KDM5A: variants seen among roughly 807,000 people sequenced by gnomAD.
KDM5A encodes the protein lysine demethylase 5A, also known as lysine-specific demethylase 5A.
A neutral mutation model predicts 193.5 loss-of-function variants in KDM5A; 42 were observed. The ratio of observed to expected loss-of-function variants is 0.22; its 90% CI spans 0.17 to 0.28. The LOEUF is 0.28. Ranked by LOEUF, KDM5A falls within the 10% of genes least tolerant of loss-of-function variation. KDM5A has a pLI of 1.00. For synonymous variants in KDM5A, 796 were observed against 718.1 expected (o/e 1.11, Z -1.73); for missense variants, 1,692 against 2,055.1 (o/e 0.82, Z 3.42).
intron 27 of KDM5A, among the ~76,000 whole-genome samples, chr12:287,986 A>C (rs1055170304): frequency 6.6e-6 from 1 of 152,242 alleles, no homozygotes; most frequent in Non-Finnish European, 1.5e-5. Context: ...ATTTCAAAAG[A>C]GTATATAACC....
At chr12:357,352 T>A (rs1387113203) in intron 5 of KDM5A, among the ~76,000 whole-genome samples, 1 of 81,746 alleles carries the variant, frequency 1.2e-5, no homozygotes, top group Non-Finnish European at 2.5e-5. Context: ...AAAAAAAAAA[T>A]TAGCTGGGCA....
intron 24 of KDM5A, among the ~76,000 whole-genome samples, chr12:300,695 GGAGATA>G (rs1943430707): frequency 1.3e-5 from 2 of 152,270 alleles, no homozygotes; most frequent in African/African-American, 4.8e-5. Context: ...CAGAACTGAA[GGAGATA>G]GAGACATGAA....
intron 20 of KDM5A, among the ~76,000 whole-genome samples, chr12:311,980 G>C (rs760964291): frequency 5.9e-5 from 9 of 152,152 alleles, no homozygotes; most frequent in Non-Finnish European, 8.8e-5. Flanking sequence ...GTTGCAGTGA[G>C]CCAAGATCAC....
chr12:284,433 G>C lies in KDM5A; in HGVS notation c.*1023C>G, dbSNP rs1441753964. On this transcript the variant is annotated 3_prime_UTR_variant, in exon 28 of 28. Coordinates refer to ENST00000399788, the MANE Select transcript of KDM5A (RefSeq NM_001042603.3). The stretch of plus-strand genomic sequence containing the variant: ...TGTTATTCAACAGCATCTGCTGTGG[G>C]CCGTAGTTAGAAATCACCAGTGTTG... The C allele has an allele frequency of 4.3e-6, 1 of 232,270 alleles. No homozygotes were observed. Among genetic ancestry groups the C allele is most frequent in the African/African-American group, 2.2e-5 (1 of 45,192 alleles). 14.4% of individuals were successfully genotyped at this position (232,270 alleles called of 1,614,324 possible).
Position 283,117 on chromosome 12 carries a change from T to C in KDM5A, c.*2339A>G. 1 of 231,138 alleles carries C rather than the reference T, an allele frequency of 4.3e-6. No homozygotes were observed. The highest frequency in any genetic ancestry group is 8.6e-6 in the Non-Finnish European group (1 of 116,720). The allele number at this position is 231,138 out of a possible 1,614,324, so 14.3% of individuals were successfully genotyped here. A position where few individuals can be genotyped will look rare whatever the true frequency, so the allele number is the denominator to read the frequency against. On this transcript the variant is annotated 3_prime_UTR_variant, in exon 28 of 28. Transcript: ENST00000399788. ...TCATGACTCTCCACTGATAGTGGAA[T>C]AGTTAATGGATGATTAGGAAGGAAA...
rs2137425025 is a variant in KDM5A at position 333,594 on chromosome 12, C to T, written c.1546G>A (p.Glu516Lys). Reference sequence around the variant, plus strand: ...TCGGGGGCCAGCTCTCTCATCACCTCCTCCAGTTGCTCTGCAGCATGAGAT... The same window carrying T: ...TCGGGGGCCAGCTCTCTCATCACCTTCTCCAGTTGCTCTGCAGCATGAGAT... ...VPSHAAEQLEEVMRELAPELF... is the reference protein window; with the variant it reads ...VPSHAAEQLEKVMRELAPELF... Residue 516 changes from glutamate (E) to lysine (K), a missense_variant, in exon 12 of 28, where the codon GAG becomes AAG. Physicochemically the swap from Glu to Lys is moderately conservative, Grantham distance 56 (BLOSUM62 1). Coordinates refer to ENST00000399788, the MANE Select transcript of KDM5A (RefSeq NM_001042603.3). 1 of 1,614,116 alleles carries T rather than the reference C, an allele frequency of 6.2e-7. No individual in the cohort carries two copies. Among genetic ancestry groups the T allele is most frequent in the Non-Finnish European group, 8.5e-7 (1 of 1,180,012 alleles).
intron 10 of KDM5A, among the ~76,000 whole-genome samples, chr12:342,299 A>G (rs1368175503): frequency 6.6e-6 from 1 of 152,148 alleles, no homozygotes; most frequent in Non-Finnish European, 1.5e-5. Context: ...ATCAAAGTAA[A>G]GAGAAAAGAA....
chr12:349,568 T>A (rs1469868778), intron 10 of KDM5A, among the ~76,000 whole-genome samples: 1 of 151,726 alleles, frequency 6.6e-6, no homozygotes, highest in Non-Finnish European at 1.5e-5. Flanking sequence ...GACCTCGTGA[T>A]CCACCCACCT....
rs745786409 is a variant in KDM5A at position 354,069 on chromosome 12, C to T, written c.1029+7G>A. ...TAAAAAAGGATCCATAGAGGTTAGA[C>T]GTGTACCTCGGCGACACATTTAGGA... On this transcript the variant is annotated splice_region_variant and intron_variant, in intron 8 of 27. Coordinates refer to ENST00000399788, the MANE Select transcript of KDM5A (RefSeq NM_001042603.3). 4.3e-6 allele frequency: 7 copies of T among 1,611,118 alleles called. No individual in the cohort carries two copies. The highest frequency in any genetic ancestry group is 4.5e-5 in the East Asian group (2 of 44,860).
intron 10 of KDM5A, among the ~76,000 whole-genome samples, chr12:349,021 CTT>C (rs200223430): frequency 1.8e-4 from 24 of 135,902 alleles, no homozygotes; most frequent in East Asian, 6.3e-4. Context: ...AGCTTCTAGA[CTT>C]TTTTTTTTTT....
At chr12:313,844 C>A (rs1391221457) in intron 19 of KDM5A, among the ~76,000 whole-genome samples, 1 of 152,042 alleles carries the variant, frequency 6.6e-6, no homozygotes, top group Non-Finnish European at 1.5e-5. Context: ...TTGAAGTAGG[C>A]CTTATATTAG....
In KDM5A at chr12:377,154, C is replaced by T. The variant is rs760837447; in HGVS notation, c.366+6877G>A. ...ACTTAGACCTCTTCCAGGCAACTAT[C>T]CCTCTCCAACCCCAGCAGAAAACTG... On this transcript the variant is annotated intron_variant, in intron 3 of 27. Coordinates refer to ENST00000399788, the MANE Select transcript of KDM5A (RefSeq NM_001042603.3). Among the ~76,000 whole-genome samples, 34 of 152,234 alleles carry T rather than the reference C, an allele frequency of 2.2e-4. No individual in the cohort carries two copies. In the Middle Eastern group the frequency reaches 0.01, roughly 46 times the overall value.
At chr12:380,919 T>C (rs1362450419) in intron 3 of KDM5A, among the ~76,000 whole-genome samples, 2 of 151,874 alleles carry the variant, frequency 1.3e-5, no homozygotes, top group Admixed American at 6.6e-5. Context: ...CTCAGCCTCC[T>C]GAGCAGATGG....
intron 24 of KDM5A, among the ~76,000 whole-genome samples, chr12:301,489 T>C (rs1489041657): frequency 6.6e-6 from 1 of 152,222 alleles, no homozygotes; most frequent in Non-Finnish European, 1.5e-5. Context: ...CAGCCTGTCA[T>C]GCTAAAAACT....
intron 3 of KDM5A, among the ~76,000 whole-genome samples, chr12:379,943 T>TC (rs1384005979): frequency 1.3e-5 from 2 of 152,110 alleles, no homozygotes; most frequent in Non-Finnish European, 2.9e-5. Context: ...AAAAGCCCCT[T>TC]CCCTATTTTG....
At chr12:356,709 C>T (rs1023870323) in intron 5 of KDM5A, among the ~76,000 whole-genome samples, 172 bp from the exon 6 acceptor site, 4 of 152,208 alleles carry the variant, frequency 2.6e-5, no homozygotes, top group African/African-American at 7.2e-5. Context: ...GTCACCAAAA[C>T]ACCATTCAAC....
intron 4 of KDM5A, among the ~76,000 whole-genome samples, chr12:363,551 A>G (rs2137467600): frequency 1.3e-5 from 2 of 152,210 alleles, no homozygotes; most frequent in South Asian, 4.1e-4. Flanking sequence ...CGCTGGTACT[A>G]CTCAATATTC....
chr12:344,401 A>T (rs1321327288), intron 10 of KDM5A, among the ~76,000 whole-genome samples: 1 of 152,220 alleles, frequency 6.6e-6, no homozygotes, highest in Admixed American at 6.5e-5. Flanking sequence ...ATTCAAATTC[A>T]GGAAATACAG....
At chr12:363,228 A>G in intron 4 of KDM5A, 131 bp from the exon 5 acceptor site, 1 of 993,472 alleles carries the variant, frequency 1.0e-6, no homozygotes, top group Non-Finnish European at 1.5e-6. Flanking sequence ...ACTGACATAC[A>G]GCTATCCCTA....
Sources: gnomAD v4.1 joint callset for allele counts (sites outside exome capture counted in the v4.1 genomes callset) on GRCh38, gnomAD v4.1.1 for gene constraint, MANE v1.5 for transcripts, NCBI Gene and HGNC (gene_info 2026-07-23, HGNC 2026-07-21) for gene names.